MKI67: variants seen among roughly 807,000 people sequenced by gnomAD.
The protein encoded by MKI67 is proliferation marker protein Ki-67.
In MKI67, 152 loss-of-function variants were observed where a neutral mutation model predicts 233.5. The observed-to-expected ratio is 0.65, with a 90% confidence interval of 0.57 to 0.74. The LOEUF (loss-of-function observed/expected upper bound fraction) is 0.74, where lower values mean the gene tolerates loss of function less well. MKI67 is among the 30% of genes least tolerant of loss of function. The pLI, the probability that MKI67 is intolerant of heterozygous loss-of-function variation, is 0.00. For synonymous variants in MKI67, 1,465 were observed against 1,418.5 expected (o/e 1.03, Z -0.74); for missense variants, 3,940 against 3,885.2 (o/e 1.01, Z -0.37).
At chr10:128,122,542 C>A (rs1852970235) in intron 4 of MKI67, among the ~76,000 whole-genome samples, 1 of 152,028 alleles carries the variant, frequency 6.6e-6, no homozygotes, top group Non-Finnish European at 1.5e-5. Context: ...TGTTTTGTAC[C>A]TTTTTCTCTG....
At position 128,115,706 on chromosome 10, in the gene MKI67, T is replaced by C; in HGVS notation, c.702A>G (p.Glu234=). The part of the protein sequence containing the change: ...TQCLDNSKKN[E]SPFWKLYESV... ...ACTCATAAAGCTTCCAAAAGGGAGA[T>C]TCATTTTTTTTGCTATTGTCAAGAC... Residue 234 remains glutamate, a synonymous_variant, in exon 7 of 15, where the codon GAA becomes GAG. Coordinates refer to ENST00000368654, the MANE Select transcript of MKI67 (RefSeq NM_002417.5). 1 of 1,613,870 alleles carries C rather than the reference T, an allele frequency of 6.2e-7. No homozygotes were observed. The highest frequency in any genetic ancestry group is 8.5e-7 in the Non-Finnish European group (1 of 1,180,008).
rs1198637793 is a variant in MKI67 at position 128,106,976 on chromosome 10, G to A, written c.4864C>T (p.Pro1622Ser). ...TTGGAGCTTGCTGGGTTTTTGTCTG[G>A]GTCTGGTTGTGAAGATTTGCAGGCT... ...KVACKSSQPD[P>S]DKNPASSKRR... The change falls in exon 13 of 15, where the codon CCA becomes TCA. Residue 1622 changes from proline to serine, a missense_variant. Coordinates refer to ENST00000368654, the MANE Select transcript of MKI67 (RefSeq NM_002417.5). 1.4e-5 allele frequency: 23 copies of A among 1,613,940 alleles called. No individual in the cohort carries two copies. The highest frequency in any genetic ancestry group is 1.8e-5 in the Non-Finnish European group (21 of 1,180,002).
chr10:128,124,632 A>T (rs1368722859), intron 2 of MKI67, among the ~76,000 whole-genome samples: 1 of 152,198 alleles, frequency 6.6e-6, no homozygotes, highest in Admixed American at 6.5e-5. Flanking sequence ...ACACGTGATT[A>T]GTAACAAGAC....
At position 128,100,145 on chromosome 10, in the gene MKI67, G is replaced by A. The variant is rs1036886002; in HGVS notation, c.9706-890C>T. ...TTCTAGGACCTTGTCTGGCACTGTC[G>A]GGTGTCTTCTGCTTCCAGCCTGCCC... On this transcript the variant is annotated intron_variant, in intron 14 of 14. Coordinates refer to ENST00000368654, the MANE Select transcript of MKI67 (RefSeq NM_002417.5). Among the ~76,000 whole-genome samples, 129 of 152,180 alleles carry A rather than the reference G, an allele frequency of 8.5e-4. 3 individuals carry two copies. Among genetic ancestry groups the A allele is most frequent in the Admixed American group, 3.3e-4 (5 of 15,274 alleles).
chr10:128,117,432 C>T lies in MKI67; in HGVS notation c.355-896G>A, dbSNP rs187751124. Among the ~76,000 whole-genome samples the T allele has an allele frequency of 7.7e-3, 1,172 of 152,334 alleles. 7 individuals carry two copies. Among genetic ancestry groups the T allele is most frequent in the Middle Eastern group, 0.034 (10 of 294 alleles). On this transcript the variant is annotated intron_variant, in intron 5 of 14. Transcript: ENST00000368654. ...CCTCACAGCCTGGGAGCAGGCGCAGCGCCCCCACCTGGCTCCCCAGAGACA... is the reference window on the plus strand; with the variant it reads ...CCTCACAGCCTGGGAGCAGGCGCAGTGCCCCCACCTGGCTCCCCAGAGACA...
intron 6 of MKI67, among the ~76,000 whole-genome samples, 167 bp from the exon 7 acceptor site, chr10:128,116,174 T>C (rs1222249553): frequency 6.6e-6 from 1 of 152,236 alleles, no homozygotes; most frequent in Non-Finnish European, 1.5e-5. Flanking sequence ...GATACTAGTA[T>C]TATGATACAA....
At position 128,114,975 on chromosome 10, in the gene MKI67, A is replaced by G. The variant is rs1331489017; in HGVS notation, c.1433T>C (p.Leu478Ser). ...GATATCAACTGAACTAAGACCAGGT[A>G]ACCCAGAGCACATCTGTCCAGCTGT... ...GTTAGQMCSG[L>S]PGLSSVDINN... is the part of the protein sequence containing the mutation. Residue 478 changes from leucine to serine, a missense_variant, in exon 7 of 15, where the codon TTA (leucine) becomes TCA (serine). By Grantham distance (145) the Leu-to-Ser change is moderately radical. Coordinates refer to ENST00000368654, the MANE Select transcript of MKI67 (RefSeq NM_002417.5). 1 of 1,590,678 alleles carries G rather than the reference A, an allele frequency of 6.3e-7. No individual in the cohort carries two copies. Among genetic ancestry groups the G allele is most frequent in the East Asian group, 2.3e-5 (1 of 44,322 alleles).
rs1564999239 is a variant in MKI67, at chr10:128,103,528, T to A, written c.8312A>T (p.Lys2771Ile). 2 of 1,613,524 alleles carry A rather than the reference T, an allele frequency of 1.2e-6. No homozygotes were observed. Among genetic ancestry groups the A allele is most frequent in the Non-Finnish European group, 8.5e-7 (1 of 1,179,892 alleles). ...KGIKALKESA[K>I]QTPAPAASVT... ...ACTTGCTGCTGGAGCCGGTGTCTGTTTTGCAGATTCCTTCAATGCTTTGAT... is the reference window on the plus strand; with the variant it reads ...ACTTGCTGCTGGAGCCGGTGTCTGTATTGCAGATTCCTTCAATGCTTTGAT... Residue 2771 changes from lysine (K) to isoleucine (I), a missense_variant, in exon 13 of 15, where the codon AAA becomes ATA. Transcript: ENST00000368654.
In MKI67 at chr10:128,101,462, A is replaced by C. The variant is rs1484016473; in HGVS notation, c.9501T>G (p.Pro3167=). 1 of 1,614,020 alleles carries C rather than the reference A, an allele frequency of 6.2e-7. No homozygotes were observed. The highest frequency in any genetic ancestry group is 8.5e-7 in the Non-Finnish European group (1 of 1,180,004). ...RSARQNESSQ[P]KVAEESGGQK... ...GCCCTCCGCTCTCCTCTGCCACCTT[A>C]GGCTGGGAGCTCTCATTCTGTCTAG... The change falls in exon 14 of 15, where the codon CCT becomes CCG. Residue 3167 remains proline (P), a synonymous_variant. Coordinates refer to ENST00000368654, the MANE Select transcript of MKI67 (RefSeq NM_002417.5).
chr10:128,123,165 T>C lies in MKI67; in HGVS notation c.97A>G (p.Ile33Val). ...AGCTGGATACGGATGTCACATTCAA[T>C]ACCCCTTCATGCAAAAGAAGAAGGT... is the stretch of plus-strand genomic sequence containing the variant. Reference protein sequence around the residue: ...SLSTCLFGRGIECDIRIQLPV... With the variant: ...SLSTCLFGRGVECDIRIQLPV... Residue 33 changes from isoleucine (I) to valine (V), a missense_variant, in exon 3 of 15, where the codon ATT becomes GTT. Coordinates refer to ENST00000368654, the MANE Select transcript of MKI67 (RefSeq NM_002417.5). 6.2e-7 allele frequency: 1 copy of C among 1,612,164 alleles called. No individual in the cohort carries two copies. The highest frequency in any genetic ancestry group is 2.2e-5 in the East Asian group (1 of 44,836).
At chr10:128,101,022 A>G (rs766625543) in intron 14 of MKI67, among the ~76,000 whole-genome samples, 12 of 152,260 alleles carry the variant, frequency 7.9e-5, no homozygotes, top group South Asian at 4.1e-4. Context: ...CTTTCTGAAG[A>G]AAGTCTTCAT....
At position 128,122,868 on chromosome 10, in the gene MKI67, A is replaced by G. The variant is rs547428555; in HGVS notation, c.287+13T>C. On this transcript the variant is annotated intron_variant, in intron 4 of 14. Transcript: ENST00000368654. ...GATGACATTTACTGTTAGACCAATC[A>G]GCTTTTACCTACCTGAAGGAACGAT... is the stretch of plus-strand genomic sequence containing the variant. 9.5e-6 allele frequency: 13 copies of G among 1,363,026 alleles called. No homozygotes were observed. In the East Asian group the frequency reaches 2.8e-4, roughly 29 times the overall value. The allele number at this position is 1,363,026 out of a possible 1,614,324, so 84.4% of individuals were successfully genotyped here. A position where few individuals can be genotyped will look rare whatever the true frequency, so the allele number is the denominator to read the frequency against.
chr10:128,112,735 C>G (rs1489678062), intron 8 of MKI67, among the ~76,000 whole-genome samples: 1 of 152,162 alleles, frequency 6.6e-6, no homozygotes, highest in African/African-American at 2.4e-5. Context: ...CCAGTAAATA[C>G]CAGCTGTGAG....
chr10:128,101,114 C>T (rs1459319101), intron 14 of MKI67, 144 bp downstream of exon 14: 5 of 741,932 alleles, frequency 6.7e-6, no homozygotes, highest in African/African-American at 3.5e-5. Context: ...TATGTCTTAG[C>T]ATAATGCTCC....
intron 2 of MKI67, among the ~76,000 whole-genome samples, chr10:128,124,456 A>T (rs74466133): frequency 0.061 from 9,349 of 152,204 alleles, 381 homozygotes; most frequent in Non-Finnish European, 0.094. Context: ...CTATATTGTG[A>T]CATGGAAATT....
In MKI67 at chr10:128,115,637, G is replaced by A. The variant is rs898146306; in HGVS notation, c.771C>T (p.Val257=). Residue 257 remains valine (V), a synonymous_variant, in exon 7 of 15, where the codon GTC becomes GTT. Coordinates refer to ENST00000368654, the MANE Select transcript of MKI67 (RefSeq NM_002417.5). ...ELDVKSQKEN[V]LQYCRKSGLQ... is the part of the protein sequence containing the mutation. ...ATCCAGATTTTCTACAATACTGTAG[G>A]ACATTTTCTTTTTGTGATTTTACAT... 1.2e-6 allele frequency: 2 copies of A among 1,613,728 alleles called. No individual in the cohort carries two copies. Among genetic ancestry groups the A allele is most frequent in the Non-Finnish European group, 1.7e-6 (2 of 1,179,960 alleles).
In MKI67 at chr10:128,109,397, T is replaced by C. The variant is rs1408512233; in HGVS notation, c.2443A>G (p.Asn815Asp). The C allele has an allele frequency of 1.2e-6, 2 of 1,613,636 alleles. No homozygotes were observed. Among genetic ancestry groups the C allele is most frequent in the Non-Finnish European group, 1.7e-6 (2 of 1,179,678 alleles). Residue 815 changes from asparagine (N) to aspartate (D), a missense_variant, in exon 13 of 15, where the codon AAT (asparagine) becomes GAT (aspartate). Coordinates refer to ENST00000368654, the MANE Select transcript of MKI67 (RefSeq NM_002417.5). ...FGGNVFFSAQNAAKQPSDKCS... is the reference protein window; with the variant it reads ...FGGNVFFSAQDAAKQPSDKCS... ...TTATCAGATGGCTGTTTTGCTGCAT[T>C]CTGTGCACTGAAGAACACATTTCCT...
Position 128,106,780 on chromosome 10 carries a change from G to C in MKI67, c.5060C>G (p.Ala1687Gly). ...CCTCTTGCTGCCAGTTAGACTTGCT[G>C]CTGAGTCTAAGATCTGCTTTGGAGA... Reference protein sequence around the residue: ...MESPKQILDSAASLTGSKRQL... With the variant: ...MESPKQILDSGASLTGSKRQL... The change falls in exon 13 of 15, where the codon GCA (alanine) becomes GGA (glycine). Residue 1687 changes from alanine to glycine, a missense_variant. Physicochemically the swap from Ala to Gly is moderately conservative, Grantham distance 60 (BLOSUM62 0). Coordinates refer to ENST00000368654, the MANE Select transcript of MKI67 (RefSeq NM_002417.5). 6.2e-7 allele frequency: 1 copy of C among 1,614,108 alleles called. No individual in the cohort carries two copies. The highest frequency in any genetic ancestry group is 1.3e-5 in the African/African-American group (1 of 74,986).
In MKI67 at chr10:128,099,021, C is replaced by CCCAGTGGAGTTTATGAAGCCGAT; in HGVS notation, c.*146_*168dup. On this transcript the variant is annotated 3_prime_UTR_variant, in exon 15 of 15. Coordinates refer to ENST00000368654, the MANE Select transcript of MKI67 (RefSeq NM_002417.5). ...CTCAGTCCAGGAGCCCAGCAGTGCT[C>CCCAGTGGAGTTTATGAAGCCGAT]CCAGTGGAGTTTATGAAGCCGATTC... 1.8e-6 allele frequency: 1 copy of CCCAGTGGAGTTTATGAAGCCGAT among 546,378 alleles called. No homozygotes were observed. The highest frequency in any genetic ancestry group is 3.2e-6 in the Non-Finnish European group (1 of 311,278). 33.8% of individuals were successfully genotyped at this position (546,378 alleles called of 1,614,324 possible). A position where few individuals can be genotyped will look rare whatever the true frequency, so the allele number is the denominator to read the frequency against.
Sources: gnomAD v4.1 joint callset for allele counts (sites outside exome capture counted in the v4.1 genomes callset) on GRCh38, gnomAD v4.1.1 for gene constraint, MANE v1.5 for transcripts, NCBI Gene and HGNC (gene_info 2026-07-23, HGNC 2026-07-21) for gene names.